The following KLHL26 variants were observed in gnomAD, a reference collection of about 807,000 sequenced individuals.
KLHL26 encodes kelch-like protein 26.
KLHL26 carries 4 observed loss-of-function variants against 7.1 expected under a neutral mutation model. That is an observed-to-expected ratio of 0.56 (90% CI 0.28 to 1.28). The LOEUF (loss-of-function observed/expected upper bound fraction) is 1.28. KLHL26 is among the 50% of genes most tolerant of loss of function. The pLI, the probability that KLHL26 is intolerant of heterozygous loss-of-function variation, is 0.11. For synonymous variants in KLHL26, 465 were observed against 414.1 expected (o/e 1.12, Z -1.49); for missense variants, 896 against 924.6 (o/e 0.97, Z 0.40).
intron 1 of KLHL26, among the ~76,000 whole-genome samples, chr19:18,641,190 T>A (rs868213927): frequency 6.6e-6 from 1 of 152,040 alleles, no homozygotes; most frequent in African/African-American, 2.4e-5. Flanking sequence ...CCAGTCTTAT[T>A]TTGGTTTTAA....
chr19:18,658,208 G>C (rs1429905818), intron 1 of KLHL26, among the ~76,000 whole-genome samples: 4 of 152,160 alleles, frequency 2.6e-5, no homozygotes, highest in Non-Finnish European at 5.9e-5. Context: ...GGGGATTTGT[G>C]AGGCTGCATG....
At position 18,667,741 on chromosome 19, in the gene KLHL26, G is replaced by A. The variant is rs201440558; in HGVS notation, c.344G>A (p.Arg115Gln). 82 of 1,613,250 alleles carry A rather than the reference G, an allele frequency of 5.1e-5. No homozygotes were observed. The highest frequency in any genetic ancestry group is 6.7e-5 in the Non-Finnish European group (79 of 1,180,014). ...ELKGVSARGLRHIIDFAYSAE... is the reference protein window; with the variant it reads ...ELKGVSARGLQHIIDFAYSAE... ...AAGGGCGTGTCGGCCCGTGGCCTGC[G>A]GCACATCATCGACTTCGCCTACAGC... Residue 115 changes from arginine (R) to glutamine (Q), a missense_variant, in exon 3 of 3, where the codon CGG (arginine) becomes CAG (glutamine). Physicochemically the swap from Arg to Gln is conservative, Grantham distance 43 (BLOSUM62 1). Coordinates refer to ENST00000300976, the MANE Select transcript of KLHL26 (RefSeq NM_018316.3).
In KLHL26 at chr19:18,646,894, A is replaced by T. The variant is rs942075695; in HGVS notation, c.83+9757A>T. On this transcript the variant is annotated intron_variant, in intron 1 of 2. Coordinates refer to ENST00000300976, the MANE Select transcript of KLHL26 (RefSeq NM_018316.3). This position sits in a 1 kb window ranked among gnomAD's most constrained non-coding sequence, Gnocchi z 5.0. ...GGCAGCGAGAGAGTAGAGCACGTCCAGCGTGAGCTGGAGAGGGCAGGTTCC... is the reference window on the plus strand; with the variant it reads ...GGCAGCGAGAGAGTAGAGCACGTCCTGCGTGAGCTGGAGAGGGCAGGTTCC... 6.6e-6 allele frequency among the ~76,000 whole-genome samples: 1 copy of T among 150,596 alleles called. No individual in the cohort carries two copies. The highest frequency in any genetic ancestry group is 2.4e-5 in the African/African-American group (1 of 40,886).
chr19:18,656,130 A>G lies in KLHL26; in HGVS notation c.84-8131A>G, dbSNP rs925924208. Among the ~76,000 whole-genome samples the G allele has an allele frequency of 1.3e-5, 2 of 152,122 alleles. No homozygotes were observed. The highest frequency in any genetic ancestry group is 4.8e-5 in the African/African-American group (2 of 41,430). On this transcript the variant is annotated intron_variant, in intron 1 of 2. Coordinates refer to ENST00000300976, the MANE Select transcript of KLHL26 (RefSeq NM_018316.3). This position sits in a 1 kb window ranked among gnomAD's most constrained non-coding sequence, Gnocchi z 4.4. The stretch of plus-strand genomic sequence containing the variant: ...TTTCTGGAAGGTTTGAGCAAGGCTC[A>G]GGAAAGGGGAGGCCACGCAGCTTGC...
At chr19:18,667,406 A>C in intron 2 of KLHL26, 1 of 552,950 alleles carries the variant, frequency 1.8e-6, no homozygotes, top group South Asian at 2.1e-5. Context: ...CCCAGGCTGG[A>C]GTGCAGTGCC....
At chr19:18,657,166 T>TCTGTCTCTGGATCTCTGTCTCC (rs2052343213) in intron 1 of KLHL26, among the ~76,000 whole-genome samples, 1 of 149,266 alleles carries the variant, frequency 6.7e-6, no homozygotes, top group African/African-American at 2.5e-5. Flanking sequence ...TCTCTGTCCC[T>TCTGTCTCTGGATCTCTGTCTCC]CTGTCTCTGG....
rs1328004809 is a variant in KLHL26 at position 18,667,925 on chromosome 19, C to T, written c.528C>T (p.Ser176=). Reference sequence around the variant, plus strand: ...TCGGCCAGATGGCCACCACCTTCAGCCTGGCCTCGCTGCGAGAGTCGGTGG... The same window carrying T: ...TCGGCCAGATGGCCACCACCTTCAGTCTGGCCTCGCTGCGAGAGTCGGTGG... ...LNIGQMATTF[S]LASLRESVDA... The change falls in exon 3 of 3, where the codon AGC becomes AGT. Residue 176 remains serine, a synonymous_variant. Transcript: ENST00000300976. 4 of 1,611,558 alleles carry T rather than the reference C, an allele frequency of 2.5e-6. No homozygotes were observed. Among genetic ancestry groups the T allele is most frequent in the East Asian group, 2.2e-5 (1 of 44,886 alleles).
Position 18,667,667 on chromosome 19 carries a change from C to A in KLHL26, c.270C>A (p.Ala90=). ...ACGTTGTGTTTCTGCCCTTCAGGGCCATGTTCACCGGCGGCATGCGGGAGG... is the reference window on the plus strand; with the variant it reads ...ACGTTGTGTTTCTGCCCTTCAGGGCAATGTTCACCGGCGGCATGCGGGAGG... ...VLAACSDYFR[A]MFTGGMREAS... Residue 90 remains alanine (A), a synonymous_variant, in exon 3 of 3, where the codon GCC becomes GCA. Coordinates refer to ENST00000300976, the MANE Select transcript of KLHL26 (RefSeq NM_018316.3). 1 of 1,609,750 alleles carries A rather than the reference C, an allele frequency of 6.2e-7. No individual in the cohort carries two copies. The highest frequency in any genetic ancestry group is 1.1e-5 in the South Asian group (1 of 90,552).
intron 2 of KLHL26, 107 bp downstream of exon 2, chr19:18,664,550 G>A (rs1289814366): frequency 1.0e-5 from 9 of 880,986 alleles, no homozygotes; most frequent in Non-Finnish European, 1.5e-5. Context: ...GCTACCCAGG[G>A]ACAGCTTCGA....
chr19:18,661,859 C>CT (rs914088747), intron 1 of KLHL26, among the ~76,000 whole-genome samples: 27 of 151,956 alleles, frequency 1.8e-4, no homozygotes, highest in African/African-American at 6.5e-4. Context: ...GCCAGCTCTG[C>CT]TTGCTTTCCT....
Position 18,668,522 on chromosome 19 carries a change from C to T in KLHL26, c.1125C>T (p.Ser375=), listed in dbSNP as rs368900423. The T allele has an allele frequency of 1.9e-5, 30 of 1,598,554 alleles. No individual in the cohort carries two copies. The highest frequency in any genetic ancestry group is 2.4e-5 in the Non-Finnish European group (28 of 1,174,720). ...VAGGQHLQYR[S]GEGAVDACYR... ...GGGGGCAGCACCTGCAGTACCGCAGCGGCGAGGGCGCAGTGGACGCCTGCT... is the reference window on the plus strand; with the variant it reads ...GGGGGCAGCACCTGCAGTACCGCAGTGGCGAGGGCGCAGTGGACGCCTGCT... The change falls in exon 3 of 3, where the codon AGC becomes AGT. Residue 375 remains serine, a synonymous_variant. Transcript: ENST00000300976.
At chr19:18,647,486 T>C (rs1436075542) in intron 1 of KLHL26, among the ~76,000 whole-genome samples, 1 of 151,922 alleles carries the variant, frequency 6.6e-6, no homozygotes, top group African/African-American at 2.4e-5. Context: ...TCTTACCCTT[T>C]GGTTTTAGGG....
At position 18,656,702 on chromosome 19, in the gene KLHL26, C is replaced by G. The variant is rs1414795805; in HGVS notation, c.84-7559C>G. Among the ~76,000 whole-genome samples the G allele has an allele frequency of 2.1e-4, 10 of 47,672 alleles. No individual in the cohort carries two copies. The East Asian group carries it at 4.9e-3, about 23-fold the overall frequency. The allele number at this position is 47,672 out of a possible 152,430, so 31.3% of individuals were successfully genotyped here. On this transcript the variant is annotated intron_variant, in intron 1 of 2. Coordinates refer to ENST00000300976, the MANE Select transcript of KLHL26 (RefSeq NM_018316.3). The surrounding 1 kb of genome is among the most constrained non-coding windows in gnomAD (Gnocchi z 4.4). ...GCGAGCCCTGTCTGCCTCAGTAGCGCGGGGCTCTTGGAGGAGGCTTGAGGG... is the reference window on the plus strand; with the variant it reads ...GCGAGCCCTGTCTGCCTCAGTAGCGGGGGGCTCTTGGAGGAGGCTTGAGGG...
At chr19:18,654,882 A>T (rs2052314142) in intron 1 of KLHL26, among the ~76,000 whole-genome samples, 1 of 152,194 alleles carries the variant, frequency 6.6e-6, no homozygotes. Context: ...TTGACTGCTC[A>T]TCCACCCATC....
At chr19:18,663,573 A>G (rs1333346423) in intron 1 of KLHL26, among the ~76,000 whole-genome samples, 29 of 152,138 alleles carry the variant, frequency 1.9e-4, no homozygotes, top group Admixed American at 1.9e-3. Flanking sequence ...CAGAGGGCAG[A>G]GGCCACCAGG....
chr19:18,666,315 A>G (rs547151348), intron 2 of KLHL26, among the ~76,000 whole-genome samples: 1 of 151,762 alleles, frequency 6.6e-6, no homozygotes, highest in South Asian at 2.1e-4. Flanking sequence ...GAGGTGCAAG[A>G]CTAGGGGACA....
At chr19:18,667,580 A>G in intron 2 of KLHL26, 84 bp from the exon 3 acceptor site, 1 of 1,532,296 alleles carries the variant, frequency 6.5e-7, no homozygotes, top group Non-Finnish European at 8.8e-7. Context: ...TCCCCAGGCT[A>G]CTGTTCCCCA....
chr19:18,637,211 C>G, intron 1 of KLHL26, 74 bp downstream of exon 1: 1 of 1,248,238 alleles, frequency 8.0e-7, no homozygotes, highest in African/African-American at 1.6e-5. Flanking sequence ...CTTGGGCGTC[C>G]TGAGGGGTTG....
intron 1 of KLHL26, among the ~76,000 whole-genome samples, chr19:18,653,111 C>A (rs2145388203): frequency 6.6e-6 from 1 of 152,208 alleles, no homozygotes; most frequent in East Asian, 1.9e-4. Flanking sequence ...GCTCAGAGGG[C>A]TGAGACTGCT....
Sources: allele counts gnomAD v4.1 joint callset (sites outside exome capture counted in the v4.1 genomes callset), GRCh38; gene constraint gnomAD v4.1.1; non-coding constraint Gnocchi (gnomAD v3.1); transcripts MANE v1.5; gene names NCBI Gene and HGNC (gene_info 2026-07-23, HGNC 2026-07-21).